GABRG3: variants seen among roughly 807,000 people sequenced by gnomAD.
The protein encoded by GABRG3 is gamma-aminobutyric acid type A receptor subunit gamma3, also known as gamma-aminobutyric acid receptor subunit gamma-3.
GABRG3 carries 25 observed loss-of-function variants against 48.8 expected under a neutral mutation model. The observed-to-expected ratio is 0.51, with a 90% CI of 0.37 to 0.72. The LOEUF (loss-of-function observed/expected upper bound fraction) is 0.72, where lower values mean the gene tolerates loss of function less well. Ranked by LOEUF, GABRG3 falls within the 30% of genes least tolerant of loss-of-function variation. The probability of loss-of-function intolerance (pLI) is 0.00; values close to 1 mark genes in which losing one functional copy is unlikely to be tolerated. For missense variants in GABRG3, 394 were observed against 577.9 expected (o/e 0.68, Z 3.26); for synonymous variants, 227 against 217.6 (o/e 1.04, Z -0.38).
At chr15:26,980,399 C>T (rs546477655) in intron 2 of GABRG3, among the ~76,000 whole-genome samples, 9 of 151,784 alleles carry the variant, frequency 5.9e-5, no homozygotes, top group South Asian at 2.1e-4. Context: ...TTCTTTTGGC[C>T]GGGTGCGGTG....
At chr15:27,390,723 A>G (rs1487017339) in intron 5 of GABRG3, among the ~76,000 whole-genome samples, 1 of 152,216 alleles carries the variant, frequency 6.6e-6, no homozygotes, top group Admixed American at 6.5e-5. Flanking sequence ...GAAATTCTAT[A>G]TCAGGGCTTT....
intron 3 of GABRG3, among the ~76,000 whole-genome samples, chr15:27,108,814 T>C (rs1897495148): frequency 6.6e-6 from 1 of 152,208 alleles, no homozygotes. Flanking sequence ...CCCTTTATCA[T>C]GATGGAATGA....
intron 6 of GABRG3, among the ~76,000 whole-genome samples, chr15:27,501,247 G>C (rs556728879): frequency 6.6e-6 from 1 of 152,102 alleles, no homozygotes; most frequent in African/African-American, 2.4e-5. Flanking sequence ...CACCGTGCCC[G>C]GCCAAAGTAA....
At chr15:27,128,591 T>G (rs1369742095) in intron 3 of GABRG3, among the ~76,000 whole-genome samples, 1 of 152,194 alleles carries the variant, frequency 6.6e-6, no homozygotes, top group Non-Finnish European at 1.5e-5. Context: ...ATTTTATATA[T>G]TTGGATGGGG....
At chr15:27,124,660 T>C (rs1279401234) in intron 3 of GABRG3, among the ~76,000 whole-genome samples, 1 of 152,170 alleles carries the variant, frequency 6.6e-6, no homozygotes, top group Admixed American at 6.5e-5. Flanking sequence ...TGGCTTTAGA[T>C]AACAGCTCTA....
intron 3 of GABRG3, among the ~76,000 whole-genome samples, chr15:27,228,725 C>CT (rs1352278189): frequency 6.6e-6 from 1 of 152,170 alleles, no homozygotes; most frequent in East Asian, 1.9e-4. Flanking sequence ...TTGCCAGTAT[C>CT]TGTCATTTTT....
chr15:27,425,633 A>C (rs1405917203), intron 5 of GABRG3, among the ~76,000 whole-genome samples: 1 of 151,998 alleles, frequency 6.6e-6, no homozygotes, highest in African/African-American at 2.4e-5. Flanking sequence ...GTGATGATGG[A>C]ACCCTCAAAC....
intron 3 of GABRG3, among the ~76,000 whole-genome samples, chr15:27,150,826 G>T (rs1201916220): frequency 6.6e-6 from 1 of 152,164 alleles, no homozygotes; most frequent in Admixed American, 6.5e-5. Context: ...GTAGCAGGGG[G>T]TTGGGAAAGG....
intron 3 of GABRG3, among the ~76,000 whole-genome samples, chr15:27,190,282 A>G (rs1315726278): frequency 6.6e-6 from 1 of 152,124 alleles, no homozygotes; most frequent in Non-Finnish European, 1.5e-5. Context: ...TGTTGATTGG[A>G]ATAGTTTCAG....
At chr15:27,200,853 G>C (rs1888658546) in intron 3 of GABRG3, among the ~76,000 whole-genome samples, 1 of 152,068 alleles carries the variant, frequency 6.6e-6, no homozygotes, top group African/African-American at 2.4e-5. Flanking sequence ...CTTATTTAAG[G>C]CCTCGAGATT....
chr15:27,335,878 C>G (rs1167381597), intron 5 of GABRG3, among the ~76,000 whole-genome samples: 2 of 152,090 alleles, frequency 1.3e-5, no homozygotes, highest in Non-Finnish European at 2.9e-5. Context: ...AACAACAAAA[C>G]AATCCAGTTA....
intron 2 of GABRG3, among the ~76,000 whole-genome samples, chr15:26,983,461 T>G (rs936203020): frequency 6.6e-6 from 1 of 152,174 alleles, no homozygotes; most frequent in African/African-American, 2.4e-5. Context: ...CCTGTTTAAT[T>G]TGAAACTCTT....
chr15:27,506,333 C>G (rs766310918), intron 6 of GABRG3, among the ~76,000 whole-genome samples: 3 of 152,114 alleles, frequency 2.0e-5, no homozygotes, highest in Non-Finnish European at 2.9e-5. Flanking sequence ...AAGCCCTTTA[C>G]AAATGGAGTC....
chr15:27,063,561 G>A (rs961639338), intron 3 of GABRG3, among the ~76,000 whole-genome samples: 2 of 152,198 alleles, frequency 1.3e-5, no homozygotes, highest in African/African-American at 2.4e-5. Context: ...CCTTCTGCCC[G>A]TGACTGAAAG....
intron 6 of GABRG3, among the ~76,000 whole-genome samples, chr15:27,502,865 C>G (rs1890674300): frequency 6.6e-6 from 1 of 152,226 alleles, no homozygotes; most frequent in Non-Finnish European, 1.5e-5. Flanking sequence ...GCTTCCCTCC[C>G]CATGGAGTTG....
chr15:27,527,872 G>A, intron 8 of GABRG3, 61 bp from the exon 9 acceptor site: 2 of 1,353,736 alleles, frequency 1.5e-6, no homozygotes, highest in Non-Finnish European at 2.1e-6. Flanking sequence ...GCTCTTAAGA[G>A]TGATCTTGGA....
At chr15:27,365,761 TA>T (rs1895175399) in intron 5 of GABRG3, 1 of 152,144 alleles carries the variant, frequency 6.6e-6, no homozygotes, top group Non-Finnish European at 1.5e-5. Flanking sequence ...TATTACTCAT[TA>T]AAAAATAAAG....
intron 3 of GABRG3, among the ~76,000 whole-genome samples, chr15:27,119,914 G>T (rs190766352): frequency 2.0e-5 from 3 of 152,280 alleles, no homozygotes; most frequent in Admixed American, 6.5e-5. Flanking sequence ...GCAGAGTCCT[G>T]TGCAATGTAA....
At chr15:27,103,831 C>T (rs1232318453) in intron 3 of GABRG3, among the ~76,000 whole-genome samples, 1 of 152,144 alleles carries the variant, frequency 6.6e-6, no homozygotes, top group Non-Finnish European at 1.5e-5. Flanking sequence ...TGGGGCATAT[C>T]CACCCACAGT....
Sources: allele counts gnomAD v4.1 joint callset (sites outside exome capture counted in the v4.1 genomes callset), GRCh38; gene constraint gnomAD v4.1.1; transcripts MANE v1.5; gene names NCBI Gene and HGNC (gene_info 2026-07-23, HGNC 2026-07-21).